The following XG variants were observed in gnomAD, a reference collection of about 807,000 sequenced individuals.
XG encodes Xg glycoprotein (Xg blood group), also known as glycoprotein Xg.
In XG, 24 loss-of-function variants were observed where a neutral mutation model predicts 25.7. That is an observed-to-expected ratio of 0.93 (90% CI 0.68 to 1.31). The LOEUF (loss-of-function observed/expected upper bound fraction) is 1.31, where lower values mean the gene tolerates loss of function less well. XG is among the 40% of genes most tolerant of loss of function. The pLI is 0.00. For missense variants in XG, 181 were observed against 187.6 expected, an observed-to-expected ratio of 0.96 and a Z score of 0.21; for synonymous variants, 77 against 69.2, an observed-to-expected ratio of 1.11 and a Z score of -0.56.
chrX:2,788,009 C>T (rs2086801374), intron 4 of XG, among the ~76,000 whole-genome samples: 1 of 108,428 alleles, frequency 9.2e-6, no homozygotes, highest in Admixed American at 9.8e-5. Flanking sequence ...CACTTGAGCC[C>T]AGGAGGTGGA....
At chrX:2,788,273 T>C (rs2086803896) in intron 4 of XG, among the ~76,000 whole-genome samples, 1 of 112,206 alleles carries the variant, frequency 8.9e-6, no homozygotes, top group Non-Finnish European at 1.9e-5. Flanking sequence ...TGACAGGTAC[T>C]GGCAGTGCCA....
intron 9 of XG, 25 bp downstream of exon 9, chrX:2,808,245 C>T (rs372210265): frequency 1.2e-5 from 14 of 1,206,832 alleles, no homozygotes; most frequent in Non-Finnish European, 1.6e-5. Flanking sequence ...CACCCGGTCC[C>T]AACCTTTAAT....
At chrX:2,769,449 T>C (rs2050767770) in intron 1 of XG, among the ~76,000 whole-genome samples, 1 of 152,224 alleles carries the variant, frequency 6.6e-6, no homozygotes, top group Non-Finnish European at 1.5e-5. Flanking sequence ...ATGCTGGTCA[T>C]ACCAACATCC....
At chrX:2,781,049 T>C (rs1428083455) in intron 3 of XG, among the ~76,000 whole-genome samples, 1 of 151,800 alleles carries the variant, frequency 6.6e-6, no homozygotes, top group Non-Finnish European at 1.5e-5. Context: ...ACTTGGAAAC[T>C]GAGAGTGGAA....
intron 1 of XG, among the ~76,000 whole-genome samples, chrX:2,760,398 G>A (rs1397744081): frequency 6.6e-6 from 1 of 151,766 alleles, no homozygotes; most frequent in Non-Finnish European, 1.5e-5. Flanking sequence ...GTCCTAACCT[G>A]CAGGACCTCC....
chrX:2,797,048 G>A (rs1377803897), intron 6 of XG, among the ~76,000 whole-genome samples: 1 of 111,593 alleles, frequency 9.0e-6, no homozygotes, highest in Non-Finnish European at 1.9e-5. Flanking sequence ...GGAGTCCCCA[G>A]GGTAAATGTT....
intron 3 of XG, among the ~76,000 whole-genome samples, chrX:2,777,185 T>C (rs994240753): frequency 1.3e-5 from 2 of 152,118 alleles, no homozygotes; most frequent in African/African-American, 4.8e-5. Flanking sequence ...TTGTTAGCTG[T>C]TTAAAAAAAT....
At chrX:2,808,395 G>C in intron 9 of XG, 175 bp downstream of exon 9, 3 of 792,786 alleles carry the variant, frequency 3.8e-6, no homozygotes, top group Non-Finnish European at 5.3e-6. Context: ...TTCAGCACAG[G>C]ACCAATCAGA....
intron 1 of XG, among the ~76,000 whole-genome samples, chrX:2,765,493 G>A (rs913576118): frequency 6.6e-6 from 1 of 152,222 alleles, no homozygotes; most frequent in Non-Finnish European, 1.5e-5. Flanking sequence ...AAACAGAAGA[G>A]CCTGTCTGAA....
chrX:2,807,061 G>T (rs2087004882), intron 8 of XG, among the ~76,000 whole-genome samples: 2 of 112,971 alleles, frequency 1.8e-5, no homozygotes, highest in African/African-American at 6.4e-5. Context: ...GCATGCATGT[G>T]TACATGTGCA....
At position 2,782,731 on chromosome X, in the gene XG, G is replaced by C. The variant is rs1448308617; in HGVS notation, c.190+603G>C. 3.6e-5 allele frequency among the ~76,000 whole-genome samples: 4 copies of C among 111,639 alleles called. No individual in the cohort carries two copies. In the Admixed American group the frequency reaches 3.8e-4, roughly 11 times the overall value. On this transcript the variant is annotated intron_variant, in intron 4 of 10. Coordinates refer to ENST00000644266, the MANE Select transcript of XG (RefSeq NM_001141919.2). ...CAAAATATCTCAAGCACCGATCTTA[G>C]GTTTTACAATAGTGATGTTACCCCC...
chrX:2,777,534 A>G (rs1471210426), intron 3 of XG, among the ~76,000 whole-genome samples: 2 of 152,186 alleles, frequency 1.3e-5, no homozygotes, highest in South Asian at 2.1e-4. Context: ...TGGAGGTTGC[A>G]GTGAGCTGAG....
intron 9 of XG, among the ~76,000 whole-genome samples, chrX:2,809,343 T>G (rs1160053807): frequency 9.0e-6 from 1 of 111,408 alleles, no homozygotes; most frequent in African/African-American, 3.3e-5. Context: ...CCTGCCCCTG[T>G]TGATATGTAG....
intron 8 of XG, among the ~76,000 whole-genome samples, chrX:2,807,843 G>A (rs1412344889): frequency 3.6e-5 from 4 of 111,734 alleles, no homozygotes; most frequent in East Asian, 2.8e-4. Context: ...ATGTGCTTGT[G>A]TATGAATGGC....
chrX:2,781,539 A>C (rs1206681106), intron 3 of XG, among the ~76,000 whole-genome samples: 1 of 112,737 alleles, frequency 8.9e-6, no homozygotes, highest in East Asian at 2.8e-4. Flanking sequence ...AAGGTATATA[A>C]GCTCTGGAAA....
At chrX:2,784,439 C>T (rs752595811) in intron 4 of XG, among the ~76,000 whole-genome samples, 31 of 109,788 alleles carry the variant, frequency 2.8e-4, no homozygotes, top group African/African-American at 8.6e-4. Flanking sequence ...AAAAATTAGT[C>T]GTGGCCTGTA....
At chrX:2,788,399 G>C (rs1434712787) in intron 4 of XG, among the ~76,000 whole-genome samples, 1 of 112,340 alleles carries the variant, frequency 8.9e-6, no homozygotes, top group Non-Finnish European at 1.9e-5. Context: ...TTTCATTTCG[G>C]CTTCTTGAAT....
intron 1 of XG, among the ~76,000 whole-genome samples, chrX:2,761,024 T>C (rs756463188): frequency 6.6e-5 from 10 of 152,168 alleles, no homozygotes; most frequent in African/African-American, 2.4e-4. Context: ...GACTTTGCTA[T>C]GGCAGCAGCC....
intron 7 of XG, among the ~76,000 whole-genome samples, chrX:2,806,314 C>T (rs2086996705): frequency 9.0e-6 from 1 of 111,496 alleles, no homozygotes; most frequent in African/African-American, 3.3e-5. Context: ...CAGGTGGGAG[C>T]CACCACACCC....
Sources: allele counts gnomAD v4.1 joint callset (sites outside exome capture counted in the v4.1 genomes callset), GRCh38; gene constraint gnomAD v4.1.1; transcripts MANE v1.5; gene names NCBI Gene and HGNC (gene_info 2026-07-23, HGNC 2026-07-21).